Variants in TSPAN15 observed in about 807,000 individuals in gnomAD.
TSPAN15 encodes tetraspanin 15.
Under a neutral mutation model 34.5 loss-of-function variants are expected in TSPAN15, and 20 were observed. The observed-to-expected ratio is 0.58, with a 90% CI of 0.41 to 0.84. TSPAN15 has a LOEUF of 0.84. Ranked by LOEUF, TSPAN15 falls within the 40% of genes least tolerant of loss-of-function variation. TSPAN15 has a pLI of 0.00. For missense variants in TSPAN15, 313 were observed against 386.1 expected (o/e 0.81, Z 1.59); for synonymous variants, 155 against 153.9 (o/e 1.01, Z -0.05).
intron 1 of TSPAN15, among the ~76,000 whole-genome samples, chr10:69,471,584 CTCCCTCCCCTCT>C (rs1256811673): frequency 1.3e-5 from 2 of 150,552 alleles, no homozygotes; most frequent in Non-Finnish European, 2.9e-5. Flanking sequence ...CCCACCTTCT[CTCCCTCCCCTCT>C]TCCCTCCCCT....
intron 3 of TSPAN15, among the ~76,000 whole-genome samples, chr10:69,490,875 C>T (rs1237287997): frequency 2.0e-5 from 3 of 152,098 alleles, no homozygotes; most frequent in African/African-American, 7.2e-5. Flanking sequence ...ATTTTCCATC[C>T]ACTGTTGTTT....
At chr10:69,479,406 C>T (rs990443316) in intron 1 of TSPAN15, among the ~76,000 whole-genome samples, 2 of 152,250 alleles carry the variant, frequency 1.3e-5, no homozygotes, top group African/African-American at 4.8e-5. Context: ...CACAGGGCTC[C>T]TCTGCAGCCT....
chr10:69,498,458 T>G, intron 5 of TSPAN15, 62 bp downstream of exon 5: 1 of 1,342,220 alleles, frequency 7.5e-7, no homozygotes, highest in Non-Finnish European at 1.1e-6. Context: ...ATAAATGTTC[T>G]CTTTTCTCTC....
downstream of TSPAN15, among the ~76,000 whole-genome samples, chr10:69,512,322 G>A (rs1481849633): frequency 6.6e-6 from 1 of 152,092 alleles, no homozygotes; most frequent in African/African-American, 2.4e-5. Context: ...GGAGGTTTGT[G>A]GGCTTTGCTT....
intron 1 of TSPAN15, among the ~76,000 whole-genome samples, chr10:69,457,535 T>G (rs1414817574): frequency 6.6e-6 from 1 of 151,196 alleles, no homozygotes; most frequent in African/African-American, 2.4e-5. Context: ...TTGGTGGGAG[T>G]TGGGGGCAAG....
chr10:69,474,873 G>C (rs901133458), intron 1 of TSPAN15, among the ~76,000 whole-genome samples: 11 of 152,266 alleles, frequency 7.2e-5, no homozygotes, highest in Non-Finnish European at 4.4e-5. Context: ...GCCAGGGCCA[G>C]ACATCCAGGG....
rs777992496 is a variant in TSPAN15, at chr10:69,498,267, T to G, written c.454-13T>G. ...GATGACGGCAGCTCCTCTTTCCTGC[T>G]TGCTTCCCTCAGTTCAAGTGCTGTG... On this transcript the variant is annotated splice_polypyrimidine_tract_variant and intron_variant, in intron 4 of 7. Coordinates refer to ENST00000373290, the MANE Select transcript of TSPAN15 (RefSeq NM_012339.5). 1 of 1,613,056 alleles carries G rather than the reference T, an allele frequency of 6.2e-7. No individual in the cohort carries two copies. The highest frequency in any genetic ancestry group is 1.1e-5 in the South Asian group (1 of 91,030).
At chr10:69,514,341 A>G in the TSPAN15 span, among the ~76,000 whole-genome samples, 1 of 152,250 alleles carries the variant, frequency 6.6e-6, no homozygotes. Flanking sequence ...TCTTTGTCAC[A>G]TTTTGGTATC....
the TSPAN15 span, among the ~76,000 whole-genome samples, chr10:69,539,544 G>A: frequency 1.6e-5 from 1 of 61,926 alleles, no homozygotes; most frequent in East Asian, 4.6e-4. Flanking sequence ...AGAAGGAGAA[G>A]GAGAAGGAGA....
chr10:69,467,006 GC>G (rs1359072084), intron 1 of TSPAN15, among the ~76,000 whole-genome samples: 2 of 152,218 alleles, frequency 1.3e-5, no homozygotes, highest in Non-Finnish European at 2.9e-5. Context: ...CCCTCTGGGA[GC>G]CCGTTCCTGA....
At chr10:69,545,264 C>T in the TSPAN15 span, among the ~76,000 whole-genome samples, 1 of 152,160 alleles carries the variant, frequency 6.6e-6, no homozygotes, top group Non-Finnish European at 1.5e-5. Flanking sequence ...GGTTAAGCTC[C>T]ACCCACTCAG....
chr10:69,489,382 A>G (rs1195578692), intron 3 of TSPAN15, among the ~76,000 whole-genome samples: 1 of 152,256 alleles, frequency 6.6e-6, no homozygotes, highest in African/African-American at 2.4e-5. Context: ...CAGTTAACAC[A>G]ATTATCGTAG....
chr10:69,478,793 G>A (rs1403419264), intron 1 of TSPAN15, among the ~76,000 whole-genome samples: 3 of 152,138 alleles, frequency 2.0e-5, no homozygotes, highest in Non-Finnish European at 2.9e-5. Flanking sequence ...CTTTATCAGC[G>A]CATTCAATCA....
intron 1 of TSPAN15, among the ~76,000 whole-genome samples, chr10:69,477,219 C>G (rs1841634194): frequency 6.6e-6 from 1 of 152,142 alleles, no homozygotes; most frequent in Non-Finnish European, 1.5e-5. Context: ...ACTGCAACCT[C>G]CGCCTCCCGG....
intron 1 of TSPAN15, among the ~76,000 whole-genome samples, chr10:69,452,124 T>C (rs530816727): frequency 6.6e-6 from 1 of 152,344 alleles, no homozygotes; most frequent in East Asian, 1.9e-4. Context: ...CCCTGCTAGT[T>C]ACTTGCTGAT....
chr10:69,496,266 T>C (rs1268663542), intron 4 of TSPAN15, among the ~76,000 whole-genome samples: 1 of 151,426 alleles, frequency 6.6e-6, no homozygotes, highest in East Asian at 1.9e-4. Context: ...ATGATGATCC[T>C]ATTCCTTTTG....
chr10:69,530,800 CTCTCTCTCTCTCTCTCTCTCTATA>C, the TSPAN15 span, among the ~76,000 whole-genome samples: 8 of 64,294 alleles, frequency 1.2e-4, no homozygotes, highest in Admixed American at 1.1e-3. Flanking sequence ...CTCTCTCTCT[CTCTCTCTCTCTCTCTCTCTCTATA>C]TATATATATA....
intron 1 of TSPAN15, among the ~76,000 whole-genome samples, chr10:69,474,938 G>T (rs993989217): frequency 6.6e-6 from 1 of 152,136 alleles, no homozygotes; most frequent in African/African-American, 2.4e-5. Flanking sequence ...CTGAGTCAGC[G>T]GGGTCTGGGG....
chr10:69,521,452 C>T, the TSPAN15 span, among the ~76,000 whole-genome samples: 4 of 147,704 alleles, frequency 2.7e-5, no homozygotes, highest in South Asian at 8.6e-4. Flanking sequence ...TGAGACCAGC[C>T]TGGCCAACAT....
Sources: allele counts gnomAD v4.1 joint callset (sites outside exome capture counted in the v4.1 genomes callset), GRCh38; gene constraint gnomAD v4.1.1; transcripts MANE v1.5; gene names NCBI Gene and HGNC (gene_info 2026-07-23, HGNC 2026-07-21).